The following PCDHA1 variants were observed in gnomAD, a reference collection of about 807,000 sequenced individuals.
PCDHA1 encodes the protein protocadherin alpha-1.
Under a neutral mutation model 61.3 loss-of-function variants are expected in PCDHA1, and 42 were observed. The observed-to-expected ratio is 0.69, with a 90% CI of 0.54 to 0.89. PCDHA1 has a LOEUF of 0.89. PCDHA1 is among the 40% of genes least tolerant of loss of function. The pLI, the probability that PCDHA1 is intolerant of heterozygous loss-of-function variation, is 0.00. For missense variants in PCDHA1, 1,256 were observed against 1,235.3 expected (o/e 1.02, Z -0.25); for synonymous variants, 610 against 553.8 (o/e 1.10, Z -1.43).
intron 1 of PCDHA1, chr5:140,849,852 C>G: frequency 3.8e-6 from 6 of 1,598,608 alleles, no homozygotes; most frequent in Non-Finnish European, 5.1e-6. Flanking sequence ...CGACAACGCA[C>G]CAGCGTTCGC....
At chr5:140,836,432 G>T in intron 1 of PCDHA1, 3 of 1,613,830 alleles carry the variant, frequency 1.9e-6, no homozygotes, top group South Asian at 1.1e-5. Flanking sequence ...CGCGGGCATC[G>T]TTGGGCATTG....
In PCDHA1 at chr5:140,787,616, C is replaced by T. The variant is rs782598589; in HGVS notation, c.1326C>T (p.Ser442=). 12 of 1,613,988 alleles carry T rather than the reference C, an allele frequency of 7.4e-6. No homozygotes were observed. In the East Asian group the frequency reaches 8.9e-5, roughly 12 times the overall value. ...SPSLWATARV[S]VEVADVNDNA... is the part of the protein sequence containing the mutation. ...CGCTGTGGGCCACGGCCAGGGTGTC[C>T]GTGGAGGTGGCCGACGTGAATGACA... is the stretch of plus-strand genomic sequence containing the variant. Residue 442 remains serine, a synonymous_variant, in exon 1 of 4, where the codon TCC becomes TCT. Transcript: ENST00000504120.
At chr5:140,860,225 A>C (rs2046280777) in intron 1 of PCDHA1, 1 of 151,528 alleles carries the variant, frequency 6.6e-6, no homozygotes, top group South Asian at 2.1e-4. Flanking sequence ...ATGTATATAT[A>C]AGCCAGGCAT....
rs1324543044 is a variant in PCDHA1 at position 140,847,178 on chromosome 5, A to G, written c.2394+58494A>G. ...TTTCTGAGTAATAAACTAAAGGGCC[A>G]TGAGTGATTAAGGAATTTGGCCACT... On this transcript the variant is annotated intron_variant, in intron 1 of 3. Coordinates refer to ENST00000504120, the MANE Select transcript of PCDHA1 (RefSeq NM_018900.4). Among the ~76,000 whole-genome samples the G allele has an allele frequency of 3.3e-5, 5 of 149,760 alleles. 1 individual carries two copies. The highest frequency in any genetic ancestry group is 7.5e-5 in the Non-Finnish European group (5 of 66,876).
In PCDHA1 at chr5:141,011,970, C is replaced by T. The variant is rs975637071; in HGVS notation, c.*2033C>T. ...AGCATTAAATTTAAAAAAAAACTGT[C>T]TTGTCTACTTTTAGCTTCATTCTCC... On this transcript the variant is annotated 3_prime_UTR_variant, in exon 4 of 4. Coordinates refer to ENST00000504120, the MANE Select transcript of PCDHA1 (RefSeq NM_018900.4). 6.5e-6 allele frequency: 1 copy of T among 153,576 alleles called. No homozygotes were observed. Among genetic ancestry groups the T allele is most frequent in the African/African-American group, 2.4e-5 (1 of 41,406 alleles). The allele number at this position is 153,576 out of a possible 1,614,324, so 9.5% of individuals were successfully genotyped here.
At chr5:140,894,740 A>AT (rs1157881854) in intron 1 of PCDHA1, among the ~76,000 whole-genome samples, 7 of 151,086 alleles carry the variant, frequency 4.6e-5, no homozygotes, top group Middle Eastern at 3.4e-3. Flanking sequence ...AATTTGTGGA[A>AT]TTTTTTTTCT....
At chr5:140,831,708 G>A (rs2150196932) in intron 1 of PCDHA1, among the ~76,000 whole-genome samples, 10 of 152,148 alleles carry the variant, frequency 6.6e-5, no homozygotes, top group Admixed American at 5.2e-4. Context: ...TAGTGATTAA[G>A]TGTGAGTTTT....
At chr5:140,944,818 T>G (rs1490682721) in intron 1 of PCDHA1, among the ~76,000 whole-genome samples, 1 of 152,236 alleles carries the variant, frequency 6.6e-6, no homozygotes, top group East Asian at 1.9e-4. Context: ...CAGTGATCTT[T>G]GCCCCATAAT....
intron 1 of PCDHA1, among the ~76,000 whole-genome samples, chr5:140,959,609 T>A (rs2095500700): frequency 6.6e-6 from 1 of 152,184 alleles, no homozygotes; most frequent in South Asian, 2.1e-4. Flanking sequence ...ATGCTTTTCT[T>A]GCTTGTGATA....
chr5:140,855,032 A>AT (rs2043313669), intron 1 of PCDHA1, among the ~76,000 whole-genome samples: 1 of 149,732 alleles, frequency 6.7e-6, no homozygotes, highest in Non-Finnish European at 1.5e-5. Flanking sequence ...TGTATAAAGG[A>AT]TTTTTCTGTA....
chr5:140,961,234 G>A (rs2095598781), intron 1 of PCDHA1, among the ~76,000 whole-genome samples: 1 of 152,180 alleles, frequency 6.6e-6, no homozygotes, highest in South Asian at 2.1e-4. Context: ...CCAAAAAGGT[G>A]ATGGAATTTA....
At chr5:140,822,195 CATTTTA>C (rs2150114492) in intron 1 of PCDHA1, 1 of 1,614,118 alleles carries the variant, frequency 6.2e-7, no homozygotes, top group Non-Finnish European at 8.5e-7. Context: ...AAAGATTATT[CATTTTA>C]GAGTCAAGAA....
intron 1 of PCDHA1, chr5:140,877,328 A>G (rs782817195): frequency 1.2e-6 from 2 of 1,613,980 alleles, no homozygotes; most frequent in Non-Finnish European, 1.7e-6. Context: ...GTCGGCGCGC[A>G]CATCCCGTTC....
At chr5:140,838,065 T>TTATA (rs144773480) in intron 1 of PCDHA1, among the ~76,000 whole-genome samples, 2 of 113,460 alleles carry the variant, frequency 1.8e-5, no homozygotes, top group Admixed American at 1.8e-4. Context: ...CCACTTTAAG[T>TTATA]TATATATATA....
At chr5:140,807,362 C>T (rs145024223) in intron 1 of PCDHA1, 3 of 1,609,962 alleles carry the variant, frequency 1.9e-6, no homozygotes, top group Non-Finnish European at 2.5e-6. Context: ...GCTGGCGGAG[C>T]TGGTGCCGCG....
At chr5:140,954,119 C>T (rs547590061) in intron 1 of PCDHA1, among the ~76,000 whole-genome samples, 2 of 152,156 alleles carry the variant, frequency 1.3e-5, no homozygotes, top group African/African-American at 4.8e-5. Flanking sequence ...AGATCTTGTT[C>T]CTTTTTATGG....
intron 1 of PCDHA1, chr5:140,841,821 T>G: frequency 6.2e-7 from 1 of 1,613,940 alleles, no homozygotes; most frequent in Non-Finnish European, 8.5e-7. Context: ...GCTAACTCCG[T>G]GTTAACCTAC....
chr5:140,891,933 C>T (rs1554185011), intron 1 of PCDHA1, among the ~76,000 whole-genome samples: 1 of 152,220 alleles, frequency 6.6e-6, no homozygotes, highest in African/African-American at 2.4e-5. Flanking sequence ...TGATCTTGGA[C>T]TTCCCCTAGG....
chr5:140,962,216 G>C (rs554182128), intron 1 of PCDHA1, among the ~76,000 whole-genome samples: 2 of 152,170 alleles, frequency 1.3e-5, no homozygotes, highest in African/African-American at 4.8e-5. Context: ...TATTGATCTT[G>C]AGGTTCAAGT....
Sources: allele counts gnomAD v4.1 joint callset (sites outside exome capture counted in the v4.1 genomes callset), GRCh38; gene constraint gnomAD v4.1.1; transcripts MANE v1.5; gene names NCBI Gene and HGNC (gene_info 2026-07-23, HGNC 2026-07-21).